TRMT9B: variants seen among roughly 807,000 people sequenced by gnomAD.
The protein encoded by TRMT9B is probable tRNA methyltransferase 9B.
In TRMT9B, 16 loss-of-function variants were observed where a neutral mutation model predicts 11.5. The observed-to-expected ratio is 1.39, with a 90% CI of 0.94 to 2.11. The LOEUF (loss-of-function observed/expected upper bound fraction) is 2.11, where lower values mean the gene tolerates loss of function less well. Ranked by LOEUF, TRMT9B falls within the 30% of genes most tolerant of loss-of-function variation. TRMT9B has a pLI of 0.00. For missense variants in TRMT9B, 941 were observed against 553.8 expected (o/e 1.70, Z -7.02); for synonymous variants, 274 against 192.4 (o/e 1.42, Z -3.51).
At chr8:13,003,758 C>G (rs1809892399) in intron 2 of TRMT9B, among the ~76,000 whole-genome samples, 1 of 151,078 alleles carries the variant, frequency 6.6e-6, no homozygotes, top group Non-Finnish European at 1.5e-5. Flanking sequence ...GAAGGCTCCA[C>G]TGATGGTGTG....
At chr8:13,011,467 T>C (rs1585361155) in intron 3 of TRMT9B, 2 of 985,178 alleles carry the variant, frequency 2.0e-6, no homozygotes, top group Non-Finnish European at 2.4e-6. Flanking sequence ...TCTTTTCAGG[T>C]AGAAAAATTT....
chr8:12,984,321 G>C (rs1805905226), intron 1 of TRMT9B, among the ~76,000 whole-genome samples: 3 of 152,148 alleles, frequency 2.0e-5, no homozygotes, highest in African/African-American at 7.2e-5. Flanking sequence ...TACTCAAACT[G>C]TAATAACCCC....
intron 1 of TRMT9B, among the ~76,000 whole-genome samples, chr8:12,974,203 C>T (rs548909232): frequency 2.0e-5 from 3 of 151,950 alleles, no homozygotes; most frequent in African/African-American, 4.8e-5. Flanking sequence ...TTTCTGGCTC[C>T]CTAACCTCTC....
chr8:13,018,593 G>C (rs1428038595), intron 4 of TRMT9B, among the ~76,000 whole-genome samples: 1 of 152,078 alleles, frequency 6.6e-6, no homozygotes, highest in Admixed American at 6.5e-5. Flanking sequence ...TAAAGTCTCT[G>C]TGAACACTGA....
intron 2 of TRMT9B, among the ~76,000 whole-genome samples, chr8:12,994,598 A>G (rs77270811): frequency 0.063 from 9,582 of 152,310 alleles, 388 homozygotes; most frequent in African/African-American, 0.11. Context: ...GAGGACCTTA[A>G]AAGCAGAGTG....
At position 12,982,306 on chromosome 8, in the gene TRMT9B, G is replaced by C. The variant is rs1805539120; in HGVS notation, c.-199-8528G>C. ...GATGGAGCTGGAATCCACACCATGA[G>C]ATCCTTGACAGACCAGATTCTACTA... On this transcript the variant is annotated intron_variant, in intron 1 of 4. Coordinates refer to ENST00000524591, the MANE Select transcript of TRMT9B (RefSeq NM_020844.3). 2.0e-5 allele frequency among the ~76,000 whole-genome samples: 3 copies of C among 152,320 alleles called. No individual in the cohort carries two copies. The South Asian group carries it at 6.2e-4, about 32-fold the overall frequency.
intron 2 of TRMT9B, among the ~76,000 whole-genome samples, chr8:12,992,920 G>T (rs1332406839): frequency 6.6e-6 from 1 of 152,152 alleles, no homozygotes; most frequent in South Asian, 2.1e-4. Flanking sequence ...TTTATCTGTA[G>T]TTACCCATAA....
In TRMT9B at chr8:12,990,867, G is replaced by C. The variant is rs766124192; in HGVS notation, c.-166G>C. On this transcript the variant is annotated 5_prime_UTR_variant, in exon 2 of 5. Transcript: ENST00000524591. The stretch of plus-strand genomic sequence containing the variant: ...CTTCCTTCAGAGACTCACACAAGAG[G>C]TTTATCATGAGAAGGACCGCACTAT... 7.8e-7 allele frequency: 1 copy of C among 1,289,476 alleles called. No homozygotes were observed. Among genetic ancestry groups the C allele is most frequent in the Non-Finnish European group, 1.0e-6 (1 of 988,604 alleles). The allele number at this position is 1,289,476 out of a possible 1,614,324, so 79.9% of individuals were successfully genotyped here.
chr8:13,000,408 C>G (rs867861061), intron 2 of TRMT9B, among the ~76,000 whole-genome samples: 6 of 152,290 alleles, frequency 3.9e-5, no homozygotes, highest in Non-Finnish European at 5.9e-5. Context: ...AGGCCACTAA[C>G]TCTCCTGTTA....
chr8:12,977,342 C>T (rs1483493136), intron 1 of TRMT9B, among the ~76,000 whole-genome samples: 1 of 152,144 alleles, frequency 6.6e-6, no homozygotes, highest in Admixed American at 6.6e-5. Flanking sequence ...CTGTTCACGA[C>T]CCCAGTGGAG....
At chr8:13,016,228 A>G (rs1812656822) in intron 4 of TRMT9B, among the ~76,000 whole-genome samples, 1 of 114,344 alleles carries the variant, frequency 8.7e-6, no homozygotes, top group Non-Finnish European at 1.8e-5. Context: ...TAAATGTGAA[A>G]TATATATTAT....
At chr8:12,962,116 C>G (rs1179661164) in intron 1 of TRMT9B, 1 of 152,486 alleles carries the variant, frequency 6.6e-6, no homozygotes, top group South Asian at 2.1e-4. Flanking sequence ...ACTGGATTCT[C>G]CATGCTAGCT....
chr8:13,006,147 C>T, intron 2 of TRMT9B, 55 bp from the exon 3 acceptor site: 1 of 1,552,826 alleles, frequency 6.4e-7, no homozygotes, highest in Admixed American at 1.7e-5. Context: ...CTCCTTCAGC[C>T]ATCTATGGTG....
intron 2 of TRMT9B, among the ~76,000 whole-genome samples, chr8:12,991,884 T>C (rs1450697518): frequency 1.3e-5 from 2 of 152,108 alleles, no homozygotes; most frequent in African/African-American, 2.4e-5. Flanking sequence ...CAAGCCGAGA[T>C]TGCGCCACTG....
rs529893746 is a variant in TRMT9B, at chr8:13,008,402, C to T, written c.154+2046C>T. Among the ~76,000 whole-genome samples, 74 of 152,182 alleles carry T rather than the reference C, an allele frequency of 4.9e-4. 1 individual carries two copies. Among genetic ancestry groups the T allele is most frequent in the African/African-American group, 1.7e-3 (72 of 41,518 alleles). On this transcript the variant is annotated intron_variant, in intron 3 of 4. Transcript: ENST00000524591. The stretch of plus-strand genomic sequence containing the variant: ...AGATTATGGAAAGGACACTTGATTA[C>T]GGTATGGGAGCTGAAAAAAGGAGGC...
intron 1 of TRMT9B, among the ~76,000 whole-genome samples, chr8:12,980,108 T>C (rs1331833605): frequency 6.6e-6 from 1 of 152,098 alleles, no homozygotes; most frequent in Non-Finnish European, 1.5e-5. Context: ...GACCACAAAG[T>C]GGGTGGCTGA....
intron 1 of TRMT9B, among the ~76,000 whole-genome samples, chr8:12,973,358 G>A (rs1803925746): frequency 6.6e-6 from 1 of 152,142 alleles, no homozygotes; most frequent in Non-Finnish European, 1.5e-5. Flanking sequence ...CAAGTCAAGT[G>A]ACAGGGGCTT....
intron 3 of TRMT9B, chr8:13,010,958 C>T (rs961220127): frequency 4.4e-6 from 4 of 899,714 alleles, no homozygotes; most frequent in East Asian, 2.4e-4. Context: ...GTCACATTTA[C>T]GTAGAAATAA....
In TRMT9B at chr8:12,987,732, A is replaced by G. The variant is rs942537940; in HGVS notation, c.-199-3102A>G. Among the ~76,000 whole-genome samples the G allele has an allele frequency of 2.0e-5, 3 of 152,212 alleles. No homozygotes were observed. In the East Asian group the frequency reaches 5.8e-4, roughly 29 times the overall value. On this transcript the variant is annotated intron_variant, in intron 1 of 4. Transcript: ENST00000524591. ...ATTTAATACAACTAACCTACAGAACATCATAGCTTACCTCCCTAGCCTACC... is the reference window on the plus strand; with the variant it reads ...ATTTAATACAACTAACCTACAGAACGTCATAGCTTACCTCCCTAGCCTACC...
Sources: allele counts gnomAD v4.1 joint callset (sites outside exome capture counted in the v4.1 genomes callset), GRCh38; gene constraint gnomAD v4.1.1; transcripts MANE v1.5; gene names NCBI Gene and HGNC (gene_info 2026-07-23, HGNC 2026-07-21).